GNAL: variants seen among roughly 807,000 people sequenced by gnomAD.
GNAL encodes guanine nucleotide-binding protein G(olf) subunit alpha.
GNAL carries 18 observed loss-of-function variants against 55.1 expected under a neutral mutation model. The observed-to-expected ratio is 0.33, with a 90% confidence interval of 0.23 to 0.48. The LOEUF is 0.48. GNAL is among the 20% of genes least tolerant of loss of function. The pLI is 0.99. For missense variants in GNAL, 412 were observed against 614.1 expected, an observed-to-expected ratio of 0.67 and a Z score of 3.48; for synonymous variants, 253 against 237.0, an observed-to-expected ratio of 1.07 and a Z score of -0.62.
chr18:11,719,190 G>T (rs1264176427), intron 1 of GNAL, among the ~76,000 whole-genome samples: 2 of 151,948 alleles, frequency 1.3e-5, no homozygotes, highest in Non-Finnish European at 2.9e-5. Context: ...AAACTGTTGT[G>T]TCTGAATTCT....
At chr18:11,796,054 GAGAAT>G (rs1367114458) in intron 4 of GNAL, among the ~76,000 whole-genome samples, 2 of 152,130 alleles carry the variant, frequency 1.3e-5, no homozygotes, top group Non-Finnish European at 2.9e-5. Flanking sequence ...CGCCCGGAAG[GAGAAT>G]GCTATGGCAC....
At chr18:11,762,870 C>G (rs1377887638) in intron 4 of GNAL, among the ~76,000 whole-genome samples, 1 of 152,142 alleles carries the variant, frequency 6.6e-6, no homozygotes, top group Non-Finnish European at 1.5e-5. Context: ...TTTCCTGTAC[C>G]AGAAACCTGC....
chr18:11,706,671 A>T (rs2143342992), intron 1 of GNAL, among the ~76,000 whole-genome samples: 1 of 152,316 alleles, frequency 6.6e-6, no homozygotes, highest in South Asian at 2.1e-4. Context: ...TAATAGTTTC[A>T]ACAATGTTCA....
Position 11,868,676 on chromosome 18 carries a change from G to C in GNAL, c.1031+13G>C, listed in dbSNP as rs750067229. 41 of 1,598,112 alleles carry C rather than the reference G, an allele frequency of 2.6e-5. No homozygotes were observed. Among genetic ancestry groups the C allele is most frequent in the Non-Finnish European group, 3.4e-5 (40 of 1,174,532 alleles). ...TCTGGAACAACAGGTGACAAAAATA[G>C]CAAATTCAGTCTTACCATTGGATTG... On this transcript the variant is annotated intron_variant, in intron 9 of 11. Transcript: ENST00000334049. This position sits in a 1 kb window ranked among gnomAD's most constrained non-coding sequence, Gnocchi z 4.0.
chr18:11,784,824 A>AT (rs1258846165), intron 4 of GNAL, among the ~76,000 whole-genome samples: 1 of 152,132 alleles, frequency 6.6e-6, no homozygotes, highest in Non-Finnish European at 1.5e-5. Flanking sequence ...GCTCTGTTGG[A>AT]TTATGAGAAA....
chr18:11,744,411 T>G (rs1274993688), intron 1 of GNAL, among the ~76,000 whole-genome samples: 1 of 152,206 alleles, frequency 6.6e-6, no homozygotes, highest in Non-Finnish European at 1.5e-5. Context: ...GTTAAAATTT[T>G]TATCATGATG....
Position 11,753,918 on chromosome 18 carries a change from C to T in GNAL, c.597C>T (p.Ala199=), listed in dbSNP as rs774502271. 2.0e-5 allele frequency: 32 copies of T among 1,609,434 alleles called. 1 individual carries two copies. The highest frequency in any genetic ancestry group is 3.3e-4 in the Middle Eastern group (2 of 6,078). The change falls in exon 4 of 12, where the codon GCC becomes GCT. Residue 199 remains alanine (A), a synonymous_variant. Transcript: ENST00000334049. The part of the protein sequence containing the change: ...QFRSDYIKSI[A]PITDFEYSQE... ...GATCAGACTACATCAAGAGCATAGC[C>T]CCTATCACTGACTTTGAATATTCCC...
chr18:11,809,245 G>A (rs562037233), intron 4 of GNAL, among the ~76,000 whole-genome samples: 20 of 150,080 alleles, frequency 1.3e-4, no homozygotes, highest in South Asian at 4.3e-4. Flanking sequence ...GCGACAGAGC[G>A]AGACTCTATC....
At chr18:11,816,308 T>G (rs1231065909) in intron 4 of GNAL, among the ~76,000 whole-genome samples, 1 of 152,000 alleles carries the variant, frequency 6.6e-6, no homozygotes, top group Non-Finnish European at 1.5e-5. Flanking sequence ...ATTTATTTAA[T>G]TTTTTTGAGA....
intron 4 of GNAL, among the ~76,000 whole-genome samples, chr18:11,807,524 G>C (rs754881949): frequency 2.9e-4 from 44 of 152,230 alleles, no homozygotes; most frequent in Admixed American, 4.6e-4. Flanking sequence ...GCCGGGCCGT[G>C]GGGGGAAACC....
In GNAL at chr18:11,823,725, G is replaced by A. The variant is rs75552280; in HGVS notation, c.625-1193G>A. 9.0e-3 allele frequency among the ~76,000 whole-genome samples: 1,368 copies of A among 152,314 alleles called. 17 individuals carry two copies. Among genetic ancestry groups the A allele is most frequent in the Middle Eastern group, 0.024 (7 of 294 alleles). ...GGCAGCTGATAAGCATGAAGGAGGAGTCGCTGGGACAGGCCATGGAGCCTG... is the reference window on the plus strand; with the variant it reads ...GGCAGCTGATAAGCATGAAGGAGGAATCGCTGGGACAGGCCATGGAGCCTG... On this transcript the variant is annotated intron_variant, in intron 4 of 11. Transcript: ENST00000334049.
intron 4 of GNAL, among the ~76,000 whole-genome samples, chr18:11,824,194 A>C (rs1472546714): frequency 6.6e-6 from 1 of 151,752 alleles, no homozygotes; most frequent in African/African-American, 2.4e-5. Flanking sequence ...CTCACATAGA[A>C]AACGTAAAAG....
chr18:11,799,877 C>T (rs1366658988), intron 4 of GNAL, among the ~76,000 whole-genome samples: 5 of 152,024 alleles, frequency 3.3e-5, no homozygotes, highest in Admixed American at 1.3e-4. Context: ...GTCTGGTGCT[C>T]CCTGAGGCCT....
intron 1 of GNAL, among the ~76,000 whole-genome samples, chr18:11,727,664 A>G (rs1226990965): frequency 6.6e-6 from 1 of 152,210 alleles, no homozygotes; most frequent in Non-Finnish European, 1.5e-5. Flanking sequence ...ACCCTTTTCC[A>G]TTGTAAATGG....
intron 1 of GNAL, among the ~76,000 whole-genome samples, chr18:11,750,938 G>A (rs571964926): frequency 2.6e-5 from 4 of 152,196 alleles, no homozygotes; most frequent in South Asian, 2.1e-4. Flanking sequence ...GGTGAGGGGC[G>A]AAGGTCCACA....
At chr18:11,850,336 G>A (rs2035829889) in intron 5 of GNAL, among the ~76,000 whole-genome samples, 1 of 152,184 alleles carries the variant, frequency 6.6e-6, no homozygotes, top group East Asian at 1.9e-4. Flanking sequence ...TGACTGGCAA[G>A]CTATCACAGG....
At chr18:11,828,487 G>C (rs978931942) in intron 5 of GNAL, among the ~76,000 whole-genome samples, 2 of 152,140 alleles carry the variant, frequency 1.3e-5, no homozygotes, top group Admixed American at 1.3e-4. Context: ...CTAGCAACTG[G>C]AATTTCTAAA....
At chr18:11,863,721 G>A (rs577894495) in intron 6 of GNAL, among the ~76,000 whole-genome samples, 22 of 152,150 alleles carry the variant, frequency 1.4e-4, no homozygotes, top group African/African-American at 4.8e-4. Flanking sequence ...TGGCTTTCTC[G>A]TCCCCTCGGG....
chr18:11,822,820 C>CTTTTTT (rs56128456), intron 4 of GNAL, among the ~76,000 whole-genome samples: 2 of 139,708 alleles, frequency 1.4e-5, no homozygotes, highest in African/African-American at 5.6e-5. Flanking sequence ...TTTTTTTTTT[C>CTTTTTT]TTTTTTTTTT....
Sources: allele counts gnomAD v4.1 joint callset (sites outside exome capture counted in the v4.1 genomes callset), GRCh38; gene constraint gnomAD v4.1.1; non-coding constraint Gnocchi (gnomAD v3.1); transcripts MANE v1.5; gene names NCBI Gene and HGNC (gene_info 2026-07-23, HGNC 2026-07-21).